The following PTPRS variants were observed in gnomAD, a reference collection of about 807,000 sequenced individuals.
PTPRS encodes protein tyrosine phosphatase receptor type S.
In PTPRS, 63 loss-of-function variants were observed where a neutral mutation model predicts 215.3. The observed-to-expected ratio is 0.29, with a 90% CI of 0.24 to 0.36. The LOEUF (loss-of-function observed/expected upper bound fraction) is 0.36. Among genes scored for constraint, PTPRS ranks in the 10% least tolerant of loss-of-function variants. The pLI, the probability that PTPRS is intolerant of heterozygous loss-of-function variation, is 1.00. For synonymous variants in PTPRS, 1,404 were observed against 1,191.4 expected (o/e 1.18, Z -3.68); for missense variants, 2,258 against 2,825.8 (o/e 0.80, Z 4.56).
chr19:5,206,539 A>T lies in PTPRS; in HGVS notation c.*235T>A. 3.7e-6 allele frequency: 1 copy of T among 267,340 alleles called. No individual in the cohort carries two copies. The highest frequency in any genetic ancestry group is 7.4e-6 in the Non-Finnish European group (1 of 135,350). The allele number at this position is 267,340 out of a possible 1,614,324, so 16.6% of individuals were successfully genotyped here. A position where few individuals can be genotyped will look rare whatever the true frequency, so the allele number is the denominator to read the frequency against. On this transcript the variant is annotated 3_prime_UTR_variant, in exon 38 of 38. Coordinates refer to ENST00000262963, the MANE Select transcript of PTPRS (RefSeq NM_002850.4). ...CTGGTTTTGGAATTGGAAGGAAAGG[A>T]GGAATGTGCCAAGTATTTGAAGGCG...
chr19:5,247,155 T>C (rs1018478243), intron 9 of PTPRS, among the ~76,000 whole-genome samples: 19 of 151,522 alleles, frequency 1.3e-4, no homozygotes, highest in Non-Finnish European at 1.9e-4. Flanking sequence ...ACATGCCACA[T>C]TGTCACATCA....
At chr19:5,323,458 G>A (rs767720180) in intron 1 of PTPRS, among the ~76,000 whole-genome samples, 3 of 152,234 alleles carry the variant, frequency 2.0e-5, no homozygotes, top group African/African-American at 7.2e-5. Flanking sequence ...GGTGGGGCAG[G>A]CTGCAAGTTT....
chr19:5,259,057 A>T (rs1365161752), intron 7 of PTPRS, among the ~76,000 whole-genome samples: 1 of 152,224 alleles, frequency 6.6e-6, no homozygotes, highest in Non-Finnish European at 1.5e-5. Flanking sequence ...AAGTGTTTGA[A>T]ATCAGGGGTC....
In PTPRS at chr19:5,256,072, G is replaced by A. The variant is rs1199243939; in HGVS notation, c.718+36C>T. On this transcript the variant is annotated intron_variant, in intron 9 of 37. Transcript: ENST00000262963. ...TGTCATTTTCAGAATGTAAAAATGT[G>A]GGTAAAGAAAGTAAAAAAGAAAAAA... 4.7e-6 allele frequency: 7 copies of A among 1,498,552 alleles called. No homozygotes were observed. In the East Asian group the frequency reaches 1.4e-4, roughly 30 times the overall value. The allele number at this position is 1,498,552 out of a possible 1,614,324, so 92.8% of individuals were successfully genotyped here.
intron 2 of PTPRS, among the ~76,000 whole-genome samples, chr19:5,279,622 C>A (rs1181366662): frequency 6.6e-6 from 1 of 152,130 alleles, no homozygotes; most frequent in African/African-American, 2.4e-5. Flanking sequence ...CCTCCCATCT[C>A]GGTCTCCCAA....
intron 1 of PTPRS, among the ~76,000 whole-genome samples, chr19:5,312,523 T>C (rs2049739583): frequency 6.6e-6 from 1 of 151,798 alleles, no homozygotes; most frequent in African/African-American, 2.4e-5. Context: ...TAGCCAGGCG[T>C]GGTGGCGCAT....
At chr19:5,240,500 T>TG (rs2043941348) in intron 11 of PTPRS, among the ~76,000 whole-genome samples, 168 bp from the exon 12 acceptor site, 1 of 152,202 alleles carries the variant, frequency 6.6e-6, no homozygotes, top group African/African-American at 2.4e-5. Context: ...TGTCCACCTC[T>TG]GTTCCTCCAT....
chr19:5,278,107 T>C (rs2047544234), intron 2 of PTPRS: 7 of 616,148 alleles, frequency 1.1e-5, no homozygotes, highest in South Asian at 1.7e-5. Context: ...CCAACCCCAA[T>C]GCCAGGCTGC....
intron 16 of PTPRS, among the ~76,000 whole-genome samples, chr19:5,227,050 ACT>A (rs1163948723): frequency 6.6e-6 from 1 of 151,680 alleles, no homozygotes; most frequent in Non-Finnish European, 1.5e-5. Context: ...GCTGATTTTT[ACT>A]CTTTTATCTT....
chr19:5,219,296 G>A lies in PTPRS; in HGVS notation c.3923+14C>T, dbSNP rs2041767056. On this transcript the variant is annotated intron_variant, in intron 23 of 37. Transcript: ENST00000262963. ...CCTGCTGTCAAGTCAAGTCGGGGAGGACATGGGGCTTACTTCTTGTAGAGC... is the reference window on the plus strand; with the variant it reads ...CCTGCTGTCAAGTCAAGTCGGGGAGAACATGGGGCTTACTTCTTGTAGAGC... The A allele has an allele frequency of 6.2e-7, 1 of 1,613,802 alleles. No homozygotes were observed. Among genetic ancestry groups the A allele is most frequent in the African/African-American group, 1.3e-5 (1 of 74,916 alleles).
chr19:5,222,921 C>A lies in PTPRS; in HGVS notation c.2871G>T (p.Glu957Asp). ...TGTATTTGACGATGGCCCCGTTGCGCTCGGCGGGCACGGGTGGCAGCCAGC... is the reference window on the plus strand; with the variant it reads ...TGTATTTGACGATGGCCCCGTTGCGATCGGCGGGCACGGGTGGCAGCCAGC... Reference protein sequence around the residue: ...LLRWLPPVPAERNGAIVKYTV... With the variant: ...LLRWLPPVPADRNGAIVKYTV... Residue 957 changes from glutamate (E) to aspartate (D), a missense_variant, in exon 18 of 38, where the codon GAG (glutamate) becomes GAT (aspartate). This residue lies in a region of PTPRS where 361 missense variants were observed against 332.6 expected (regional missense o/e 1.09). Transcript: ENST00000262963. The A allele has an allele frequency of 6.4e-7, 1 of 1,564,138 alleles. No homozygotes were observed. Among genetic ancestry groups the A allele is most frequent in the East Asian group, 2.4e-5 (1 of 42,310 alleles).
At chr19:5,324,892 A>AG in intron 1 of PTPRS, among the ~76,000 whole-genome samples, 1 of 152,196 alleles carries the variant, frequency 6.6e-6, no homozygotes, top group Admixed American at 6.5e-5. Flanking sequence ...TCTGGAGCAC[A>AG]GGGGCAAGAA....
At chr19:5,241,941 T>C (rs992506965) in intron 11 of PTPRS, among the ~76,000 whole-genome samples, 1 of 151,964 alleles carries the variant, frequency 6.6e-6, no homozygotes, top group South Asian at 2.1e-4. Context: ...GTCCAAGTGA[T>C]TCACCTGCCT....
intron 13 of PTPRS, among the ~76,000 whole-genome samples, chr19:5,235,353 A>G (rs1445985471): frequency 6.6e-6 from 1 of 152,166 alleles, no homozygotes; most frequent in Non-Finnish European, 1.5e-5. Flanking sequence ...TCAATACCTT[A>G]TATAAAAATA....
intron 17 of PTPRS, among the ~76,000 whole-genome samples, chr19:5,223,809 G>A (rs193117536): frequency 3.9e-4 from 59 of 151,080 alleles, no homozygotes; most frequent in East Asian, 1.6e-3. Flanking sequence ...TGATCCACCC[G>A]CCTCAGCCTC....
At chr19:5,219,733 C>T (rs1328566152) in intron 22 of PTPRS, among the ~76,000 whole-genome samples, 2 of 152,222 alleles carry the variant, frequency 1.3e-5, no homozygotes, top group Non-Finnish European at 2.9e-5. Context: ...TGAACTCCTA[C>T]TCACCCCTCA....
intron 4 of PTPRS, among the ~76,000 whole-genome samples, chr19:5,270,841 C>T (rs2046847261): frequency 6.6e-6 from 1 of 152,166 alleles, no homozygotes; most frequent in Non-Finnish European, 1.5e-5. Context: ...TTTGGGGTTT[C>T]ACCATGTTGG....
rs930136595 is a variant in PTPRS, at chr19:5,208,329, T to C, written c.5550A>G (p.Pro1850=). The C allele has an allele frequency of 4.3e-6, 7 of 1,613,808 alleles. No homozygotes were observed. In the African/African-American group the frequency reaches 6.7e-5, roughly 15 times the overall value. Reference sequence around the variant, plus strand: ...AGTCGATGAAGCCCTCCCCCGACTTTGGCACACCCTGTTCCGGCCAGTCTG... The same window carrying C: ...AGTCGATGAAGCCCTCCCCCGACTTCGGCACACCCTGTTCCGGCCAGTCTG... ...QFTDWPEQGV[P]KSGEGFIDFI... The change falls in exon 36 of 38, where the codon CCA becomes CCG. Residue 1850 remains proline, a synonymous_variant. Transcript: ENST00000262963.
At chr19:5,326,320 G>A (rs2050165361) in intron 1 of PTPRS, among the ~76,000 whole-genome samples, 1 of 152,190 alleles carries the variant, frequency 6.6e-6, no homozygotes, top group Non-Finnish European at 1.5e-5. Context: ...GTGCTAGGAT[G>A]TCTTAAACAC....
Sources: allele counts gnomAD v4.1 joint callset (sites outside exome capture counted in the v4.1 genomes callset), GRCh38; gene constraint gnomAD v4.1.1; regional missense constraint gnomAD v4.1.1; transcripts MANE v1.5; gene names NCBI Gene and HGNC (gene_info 2026-07-23, HGNC 2026-07-21).